Variants in PTPN3 observed in about 807,000 individuals in gnomAD.
The protein encoded by PTPN3 is protein tyrosine phosphatase non-receptor type 3.
In PTPN3, 96 loss-of-function variants were observed where a neutral mutation model predicts 132.7. That is an observed-to-expected ratio of 0.72 (90% CI 0.61 to 0.86). The LOEUF is 0.86. Ranked by LOEUF, PTPN3 falls within the 40% of genes least tolerant of loss-of-function variation. PTPN3 has a pLI of 0.00. For missense variants in PTPN3, 1,125 were observed against 1,159.6 expected (o/e 0.97, Z 0.43); for synonymous variants, 398 against 429.0 (o/e 0.93, Z 0.89).
intron 22 of PTPN3, among the ~76,000 whole-genome samples, chr9:109,388,320 T>C (rs1839772449): frequency 6.6e-6 from 1 of 152,096 alleles, no homozygotes; most frequent in African/African-American, 2.4e-5. Context: ...AAGAACAGGT[T>C]TCTACCAATG....
At chr9:109,522,596 C>T in the PTPN3 span, among the ~76,000 whole-genome samples, 183 of 152,264 alleles carry the variant, frequency 1.2e-3, 1 homozygote, top group African/African-American at 4.1e-3. Flanking sequence ...AAGTAATATA[C>T]GCGTACCTGC....
intron 19 of PTPN3, among the ~76,000 whole-genome samples, chr9:109,399,940 CTTT>C (rs1231862931): frequency 7.3e-6 from 1 of 136,286 alleles, no homozygotes. Context: ...ACACAGTTAC[CTTT>C]TTTTTTTTTT....
intron 9 of PTPN3, among the ~76,000 whole-genome samples, chr9:109,435,527 C>T (rs1843981608): frequency 6.6e-6 from 1 of 152,186 alleles, no homozygotes; most frequent in Non-Finnish European, 1.5e-5. Flanking sequence ...TCAATGCAAG[C>T]TTTGAATTAC....
At chr9:109,454,934 A>C (rs939072488) in intron 4 of PTPN3, among the ~76,000 whole-genome samples, 1 of 152,244 alleles carries the variant, frequency 6.6e-6, no homozygotes, top group African/African-American at 2.4e-5. Flanking sequence ...GCGTTTGTGT[A>C]GCCATTTATA....
intron 5 of PTPN3, chr9:109,450,617 T>C: frequency 1.0e-6 from 1 of 985,204 alleles, no homozygotes; most frequent in Non-Finnish European, 1.2e-6. Context: ...TTCCTAGGAA[T>C]CTTGAAGGAG....
intron 6 of PTPN3, among the ~76,000 whole-genome samples, chr9:109,447,875 T>C (rs1399218574): frequency 6.6e-6 from 1 of 152,192 alleles, no homozygotes. Context: ...CCCGCCTACG[T>C]AGGACACGAA....
the PTPN3 span, among the ~76,000 whole-genome samples, chr9:109,528,922 G>A: frequency 6.6e-6 from 1 of 152,230 alleles, no homozygotes; most frequent in East Asian, 1.9e-4. Context: ...CTTCTCTGAT[G>A]TTGGCTTTCC....
chr9:109,410,100 C>A, intron 15 of PTPN3, 24 bp from the exon 16 acceptor site: 1 of 1,614,096 alleles, frequency 6.2e-7, no homozygotes, highest in Middle Eastern at 1.6e-4. Context: ...TGAAAGTGGT[C>A]ATTTGCATCA....
chr9:109,513,465 AC>A, the PTPN3 span, among the ~76,000 whole-genome samples: 2 of 152,164 alleles, frequency 1.3e-5, no homozygotes, highest in African/African-American at 4.8e-5. Context: ...CCCCCCCAGA[AC>A]ACCTGGTTGC....
chr9:109,443,640 T>C (rs959727849), intron 7 of PTPN3, among the ~76,000 whole-genome samples: 2 of 152,292 alleles, frequency 1.3e-5, no homozygotes, highest in African/African-American at 4.8e-5. Flanking sequence ...CTCAGCTGAT[T>C]GGCCTGGCAG....
intron 7 of PTPN3, among the ~76,000 whole-genome samples, chr9:109,441,433 T>C (rs1015496516): frequency 6.6e-6 from 1 of 152,158 alleles, no homozygotes; most frequent in African/African-American, 2.4e-5. Flanking sequence ...GGGTCATTCC[T>C]AGGACGTTTT....
chr9:109,446,334 C>A (rs944872359), intron 6 of PTPN3, among the ~76,000 whole-genome samples: 6 of 152,188 alleles, frequency 3.9e-5, no homozygotes, highest in Admixed American at 3.9e-4. Flanking sequence ...GACAATGCGG[C>A]CCTCCAGGGG....
chr9:109,492,268 G>A (rs1588511292), intron 1 of PTPN3, among the ~76,000 whole-genome samples: 1 of 151,926 alleles, frequency 6.6e-6, no homozygotes, highest in Non-Finnish European at 1.5e-5. Context: ...GCTGAGGGAG[G>A]TGACATGCAT....
intron 22 of PTPN3, among the ~76,000 whole-genome samples, chr9:109,386,831 T>C (rs1265496297): frequency 6.6e-6 from 1 of 152,166 alleles, no homozygotes; most frequent in East Asian, 1.9e-4. Flanking sequence ...AAGGTATCGC[T>C]GAAAGCTGTG....
intron 14 of PTPN3, among the ~76,000 whole-genome samples, chr9:109,410,868 C>T (rs1842022119): frequency 6.6e-6 from 1 of 152,162 alleles, no homozygotes; most frequent in Admixed American, 6.5e-5. Context: ...GGAAACAGGA[C>T]TGTTGTTGTT....
chr9:109,395,126 C>T (rs926448333), intron 19 of PTPN3, among the ~76,000 whole-genome samples: 7 of 143,964 alleles, frequency 4.9e-5, no homozygotes, highest in East Asian at 4.1e-4. Context: ...GGCAACAGAG[C>T]GAGACTCCAT....
Position 109,453,318 on chromosome 9 carries a change from G to A in PTPN3, c.368+1178C>T, listed in dbSNP as rs544273897. On this transcript the variant is annotated intron_variant, in intron 5 of 25. Transcript: ENST00000374541. ...CTCCTTGATTATGTCTTTTGGCCAC[G>A]ATGAATGTAAAACAGGATTCAATAC... Among the ~76,000 whole-genome samples the A allele has an allele frequency of 4.6e-5, 7 of 151,308 alleles. No individual in the cohort carries two copies. In the South Asian group the frequency reaches 8.4e-4, roughly 18 times the overall value.
intron 6 of PTPN3, 113 bp downstream of exon 6, chr9:109,448,698 G>A: frequency 9.5e-7 from 1 of 1,048,438 alleles, no homozygotes; most frequent in South Asian, 1.4e-5. Context: ...AGGATGCTTT[G>A]CACATCCACT....
chr9:109,422,343 A>C (rs769408296), intron 13 of PTPN3, among the ~76,000 whole-genome samples: 5 of 152,176 alleles, frequency 3.3e-5, no homozygotes, highest in Non-Finnish European at 7.4e-5. Context: ...TTTTCCCTAA[A>C]GTTTATTTTG....
Sources: allele counts gnomAD v4.1 joint callset (sites outside exome capture counted in the v4.1 genomes callset), GRCh38; gene constraint gnomAD v4.1.1; transcripts MANE v1.5; gene names NCBI Gene and HGNC (gene_info 2026-07-23, HGNC 2026-07-21).